The following ANKS1A variants were observed in gnomAD, a reference collection of about 807,000 sequenced individuals.
The protein encoded by ANKS1A is ankyrin repeat and sterile alpha motif domain containing 1A.
Under a neutral mutation model 120.3 loss-of-function variants are expected in ANKS1A, and 55 were observed. The ratio of observed to expected loss-of-function variants is 0.46; its 90% confidence interval spans 0.37 to 0.57. The LOEUF is 0.57. Among genes scored for constraint, ANKS1A ranks in the 20% least tolerant of loss-of-function variants. ANKS1A has a pLI of 0.00. For missense variants in ANKS1A, 1,123 were observed against 1,480.3 expected, an observed-to-expected ratio of 0.76 and a Z score of 3.96; for synonymous variants, 590 against 604.7, an observed-to-expected ratio of 0.98 and a Z score of 0.36.
At position 34,976,146 on chromosome 6, in the gene ANKS1A, A is replaced by AAAAAAAAAG. The variant is rs1448247816; in HGVS notation, c.436-5539_436-5538insAAAGAAAAA. Among the ~76,000 whole-genome samples, 16 of 150,958 alleles carry AAAAAAAAAG rather than the reference A, an allele frequency of 1.1e-4. No individual in the cohort carries two copies. In the South Asian group the frequency reaches 1.3e-3, roughly 12 times the overall value. On this transcript the variant is annotated intron_variant, in intron 3 of 23. Coordinates refer to ENST00000360359, the MANE Select transcript of ANKS1A (RefSeq NM_015245.3). ...GAGGAGACTCCATCTCAAAAAAAAA[A>AAAAAAAAAG]AAAAAGAAAAGAAAAACTGATCTGA...
chr6:34,933,616 C>T (rs1024407636), intron 1 of ANKS1A, among the ~76,000 whole-genome samples: 4 of 152,224 alleles, frequency 2.6e-5, no homozygotes, highest in South Asian at 4.2e-4. Context: ...GTGATCCGCC[C>T]GCCTCAGCCT....
In ANKS1A at chr6:35,084,440, C is replaced by T. The variant is rs1194602166; in HGVS notation, c.3132+182C>T. On this transcript the variant is annotated intron_variant, in intron 21 of 23. Transcript: ENST00000360359. This position sits in a 1 kb window ranked among gnomAD's most constrained non-coding sequence, Gnocchi z 4.8. Reference sequence around the variant, plus strand: ...TCCCCTTTCACAGTGATGAGACTGACGCGCAGAGGGAACAGGGACTGGCCC... The same window carrying T: ...TCCCCTTTCACAGTGATGAGACTGATGCGCAGAGGGAACAGGGACTGGCCC... Among the ~76,000 whole-genome samples, 8 of 151,788 alleles carry T rather than the reference C, an allele frequency of 5.3e-5. No homozygotes were observed. In the South Asian group the frequency reaches 1.0e-3, roughly 20 times the overall value.
At chr6:34,970,993 G>T (rs1317644971) in intron 3 of ANKS1A, among the ~76,000 whole-genome samples, 4 of 152,258 alleles carry the variant, frequency 2.6e-5, no homozygotes, top group African/African-American at 9.6e-5. Context: ...GGGTGACAGA[G>T]TGAGACCCTG....
intron 1 of ANKS1A, among the ~76,000 whole-genome samples, chr6:34,934,781 C>T (rs1415227400): frequency 6.6e-6 from 1 of 152,224 alleles, no homozygotes; most frequent in East Asian, 1.9e-4. Context: ...CTGTCGACAT[C>T]TCAGCTAAAA....
chr6:35,083,978 TAAAC>T lies in ANKS1A; in HGVS notation c.2995-139_2995-136del, dbSNP rs772462389. The T allele has an allele frequency of 7.4e-4, 989 of 1,328,980 alleles. 1 individual carries two copies. The highest frequency in any genetic ancestry group is 6.1e-4 in the Admixed American group (27 of 44,452). The allele number at this position is 1,328,980 out of a possible 1,614,324, so 82.3% of individuals were successfully genotyped here. A position where few individuals can be genotyped will look rare whatever the true frequency, so the allele number is the denominator to read the frequency against. On this transcript the variant is annotated intron_variant, in intron 20 of 23. Transcript: ENST00000360359. ...AATCGGGGACCCCCACCCCCACCAA[TAAAC>T]AAAATGAGAAGATGAAGGGGGGTTT...
intron 1 of ANKS1A, among the ~76,000 whole-genome samples, chr6:34,941,029 C>T (rs1323818580): frequency 6.6e-6 from 1 of 152,092 alleles, no homozygotes; most frequent in African/African-American, 2.4e-5. Context: ...TGCTCTGTCA[C>T]CCAGGCTGGA....
intron 1 of ANKS1A, among the ~76,000 whole-genome samples, chr6:34,898,101 C>T (rs1767181232): frequency 6.6e-6 from 1 of 152,158 alleles, no homozygotes; most frequent in East Asian, 1.9e-4. Context: ...GTTTGGTAAC[C>T]CTCAGCTGCT....
Position 34,967,240 on chromosome 6 carries a change from A to G in ANKS1A, c.199A>G (p.Met67Val), listed in dbSNP as rs1259201439. 11 of 1,612,408 alleles carry G rather than the reference A, an allele frequency of 6.8e-6. No homozygotes were observed. Among genetic ancestry groups the G allele is most frequent in the Non-Finnish European group, 9.3e-6 (11 of 1,179,574 alleles). Residue 67 changes from methionine to valine, a missense_variant and splice_region_variant, in exon 2 of 24, where the codon ATG (methionine) becomes GTG (valine). By Grantham distance (21) the Met-to-Val change is conservative. Transcript: ENST00000360359. ...CTCTCTTTTTTTTTTCCCTGATAGC[A>G]TGTGGAGAGGGCCAAATGTGAACTG... ...SSHPLSSLLS[M>V]WRGPNVNCVD...
chr6:35,090,057 C>T lies in ANKS1A; in HGVS notation c.*1448C>T, dbSNP rs1347405405. The stretch of plus-strand genomic sequence containing the variant: ...CCAGAAATCAGAAGTGGGGCTGTGT[C>T]TCTGACTGGCTAGAGGCCAGGCCTT... On this transcript the variant is annotated 3_prime_UTR_variant, in exon 24 of 24. Coordinates refer to ENST00000360359, the MANE Select transcript of ANKS1A (RefSeq NM_015245.3). The T allele has an allele frequency of 7.9e-7, 1 of 1,259,608 alleles. No homozygotes were observed. Among genetic ancestry groups the T allele is most frequent in the Non-Finnish European group, 1.0e-6 (1 of 972,724 alleles). The allele number at this position is 1,259,608 out of a possible 1,614,324, so 78.0% of individuals were successfully genotyped here.
In ANKS1A at chr6:34,889,495, CT is replaced by C; in HGVS notation, c.96del (p.Phe32LeufsTer42). 1.6e-6 allele frequency: 2 copies of C among 1,278,950 alleles called. No homozygotes were observed. Among genetic ancestry groups the C allele is most frequent in the Non-Finnish European group, 9.8e-7 (1 of 1,021,418 alleles). The allele number at this position is 1,278,950 out of a possible 1,614,324, so 79.2% of individuals were successfully genotyped here. A position where few individuals can be genotyped will look rare whatever the true frequency, so the allele number is the denominator to read the frequency against. ...LLSGKRLSSG[F>X]GGGGGGGSGG... is the part of the protein sequence containing the mutation. Reference sequence around the variant, plus strand: ...TGTCCGGGAAGCGGCTCTCCTCAGGCTTTGGGGGCGGCGGCGGCGGTGGCTC... The same window carrying C: ...TGTCCGGGAAGCGGCTCTCCTCAGGCTTGGGGGCGGCGGCGGCGGTGGCTC... On this transcript the variant is annotated frameshift_variant, in exon 1 of 24. Transcript: ENST00000360359. LOFTEE classifies it high-confidence loss of function. The surrounding 1 kb of genome is among the most constrained non-coding windows in gnomAD (Gnocchi z 5.5).
chr6:34,905,553 A>G (rs868195221), intron 1 of ANKS1A, among the ~76,000 whole-genome samples: 12 of 152,336 alleles, frequency 7.9e-5, no homozygotes, highest in African/African-American at 2.9e-4. Context: ...GTTTACCTTC[A>G]CAACATGCCT....
chr6:34,890,655 G>A (rs542209974), intron 1 of ANKS1A, among the ~76,000 whole-genome samples: 2 of 152,282 alleles, frequency 1.3e-5, no homozygotes, highest in South Asian at 2.1e-4. Context: ...AAGGACCGAG[G>A]GAAAAACATC....
intron 11 of ANKS1A, among the ~76,000 whole-genome samples, chr6:35,049,645 G>A (rs1311024645): frequency 2.6e-5 from 4 of 152,206 alleles, no homozygotes; most frequent in African/African-American, 9.6e-5. Flanking sequence ...AAGGGTGTTA[G>A]GAGGGAATGT....
chr6:34,980,392 T>C (rs1359234449), intron 3 of ANKS1A, among the ~76,000 whole-genome samples: 2 of 152,248 alleles, frequency 1.3e-5, no homozygotes, highest in East Asian at 1.9e-4. Context: ...TGGGGAGTTG[T>C]TCCCAGCAGC....
rs1266496207 is a variant in ANKS1A at position 35,085,391 on chromosome 6, G to A, written c.3133-375G>A. ...CAGGGTTTATGGGGAAATGGAGTTAGGGGCACAGCACTCACAGACTTTGTC... is the reference window on the plus strand; with the variant it reads ...CAGGGTTTATGGGGAAATGGAGTTAAGGGCACAGCACTCACAGACTTTGTC... On this transcript the variant is annotated intron_variant, in intron 21 of 23. Coordinates refer to ENST00000360359, the MANE Select transcript of ANKS1A (RefSeq NM_015245.3). The surrounding 1 kb of genome is among the most constrained non-coding windows in gnomAD (Gnocchi z 4.7). Among the ~76,000 whole-genome samples, 2 of 152,198 alleles carry A rather than the reference G, an allele frequency of 1.3e-5. No homozygotes were observed. Among genetic ancestry groups the A allele is most frequent in the Non-Finnish European group, 1.5e-5 (1 of 68,038 alleles).
Position 35,082,792 on chromosome 6 carries a change from C to T in ANKS1A, c.2811C>T (p.Phe937=), listed in dbSNP as rs771827335. 8 of 1,613,836 alleles carry T rather than the reference C, an allele frequency of 5.0e-6. No individual in the cohort carries two copies. The highest frequency in any genetic ancestry group is 2.2e-5 in the South Asian group (2 of 91,066). ...AACACCAGCCAGAGAAACTCATCTT[C>T]GAGTCCTGTGGTTATGAAGCCAATG... ...SWQHQPEKLI[F]ESCGYEANYL... Residue 937 remains phenylalanine (F), a synonymous_variant, in exon 18 of 24, where the codon TTC becomes TTT. Transcript: ENST00000360359. The surrounding 1 kb of genome is among the most constrained non-coding windows in gnomAD (Gnocchi z 4.1).
At chr6:35,016,033 C>G (rs1393613626) in intron 10 of ANKS1A, among the ~76,000 whole-genome samples, 2 of 152,214 alleles carry the variant, frequency 1.3e-5, no homozygotes, top group African/African-American at 4.8e-5. Context: ...AGTGTGCCAT[C>G]ATGACATGGT....
chr6:35,072,286 C>T (rs999863111), intron 13 of ANKS1A, among the ~76,000 whole-genome samples: 1 of 152,244 alleles, frequency 6.6e-6, no homozygotes, highest in Non-Finnish European at 1.5e-5. Context: ...CGACCCTTGT[C>T]ATGCTCCTTC....
At chr6:34,927,906 C>G (rs1053491893) in intron 1 of ANKS1A, among the ~76,000 whole-genome samples, 2 of 152,128 alleles carry the variant, frequency 1.3e-5, no homozygotes, top group Non-Finnish European at 2.9e-5. Context: ...AGCCCATTTT[C>G]CAAACTGAGA....
Sources: allele counts gnomAD v4.1 joint callset (sites outside exome capture counted in the v4.1 genomes callset), GRCh38; gene constraint gnomAD v4.1.1; non-coding constraint Gnocchi (gnomAD v3.1); transcripts MANE v1.5; gene names NCBI Gene and HGNC (gene_info 2026-07-23, HGNC 2026-07-21).